GDF11: variants seen among roughly 807,000 people sequenced by gnomAD.
GDF11 encodes growth/differentiation factor 11.
A neutral mutation model predicts 34.4 loss-of-function variants in GDF11; 12 were observed. The observed-to-expected ratio is 0.35, with a 90% CI of 0.22 to 0.57. The LOEUF (loss-of-function observed/expected upper bound fraction) is 0.57, where lower values mean the gene tolerates loss of function less well. GDF11 is among the 20% of genes least tolerant of loss of function. The probability of loss-of-function intolerance (pLI) is 0.86; values close to 1 mark genes in which losing one functional copy is unlikely to be tolerated. For missense variants in GDF11, 346 were observed against 548.2 expected (o/e 0.63, Z 3.68); for synonymous variants, 212 against 231.1 (o/e 0.92, Z 0.75).
At position 55,755,803 on chromosome 12, in the gene GDF11, AAT is replaced by A. The variant is rs1019479002; in HGVS notation, c.*5922_*5923del. Reference sequence around the variant, plus strand: ...AAGAGGTTAATAAGAAAAAAAAAAAAATCCTCACAAATTGGAAAACACTGTTC... The same window carrying A: ...AAGAGGTTAATAAGAAAAAAAAAAAACCTCACAAATTGGAAAACACTGTTC... On this transcript the variant is annotated 3_prime_UTR_variant, in exon 3 of 3. Transcript: ENST00000257868. 4.6e-5 allele frequency: 7 copies of A among 151,816 alleles called. No individual in the cohort carries two copies. The highest frequency in any genetic ancestry group is 1.7e-4 in the African/African-American group (7 of 41,116). The allele number at this position is 151,816 out of a possible 1,614,324, so 9.4% of individuals were successfully genotyped here.
chr12:55,756,144 G>C lies in GDF11; in HGVS notation c.*6262G>C, dbSNP rs1228776863. On this transcript the variant is annotated 3_prime_UTR_variant, in exon 3 of 3. Coordinates refer to ENST00000257868, the MANE Select transcript of GDF11 (RefSeq NM_005811.5). ...AAAGCTAGCCCCAAGATCAGAGCCT[G>C]AGGTAAAGAAAAGGAAGGCAGACAG... The C allele has an allele frequency of 6.6e-6, 1 of 152,228 alleles. No homozygotes were observed. Among genetic ancestry groups the C allele is most frequent in the Non-Finnish European group, 1.5e-5 (1 of 68,044 alleles). 9.4% of individuals were successfully genotyped at this position (152,228 alleles called of 1,614,324 possible).
Position 55,749,008 on chromosome 12 carries a change from G to C in GDF11, c.843+25G>C. 6.3e-7 allele frequency: 1 copy of C among 1,578,040 alleles called. No homozygotes were observed. The highest frequency in any genetic ancestry group is 8.6e-7 in the Non-Finnish European group (1 of 1,169,112). ...GGTGAGCAGGGGGCCTGAGGTGGTG[G>C]ATATGTGTAACCTGGCCCTGAGGAG... is the stretch of plus-strand genomic sequence containing the variant. On this transcript the variant is annotated intron_variant, in intron 2 of 2. Coordinates refer to ENST00000257868, the MANE Select transcript of GDF11 (RefSeq NM_005811.5). The surrounding 1 kb of genome is among the most constrained non-coding windows in gnomAD (Gnocchi z 5.6).
chr12:55,753,193 TGATCCAGCTAGTATGGAA>T lies in GDF11; in HGVS notation c.*3316_*3333del. 6.6e-6 allele frequency: 1 copy of T among 152,318 alleles called. No homozygotes were observed. The highest frequency in any genetic ancestry group is 2.1e-4 in the South Asian group (1 of 4,818). The allele number at this position is 152,318 out of a possible 1,614,324, so 9.4% of individuals were successfully genotyped here. On this transcript the variant is annotated 3_prime_UTR_variant, in exon 3 of 3. Transcript: ENST00000257868. ...GGAAGATCTAAAGGTTCTCTTGAGA[TGATCCAGCTAGTATGGAA>T]GATCTAAAGGTTCTCTTGAGATGAT...
At position 55,751,288 on chromosome 12, in the gene GDF11, AAC is replaced by A. The variant is rs1272077555; in HGVS notation, c.*1408_*1409del. On this transcript the variant is annotated 3_prime_UTR_variant, in exon 3 of 3. Transcript: ENST00000257868. Reference sequence around the variant, plus strand: ...AAAAGCATCTGACAAGGCCAGTTAGAACAGAGGATGGGAAGGATGGAGACTCC... The same window carrying A: ...AAAAGCATCTGACAAGGCCAGTTAGAAGAGGATGGGAAGGATGGAGACTCC... 1.3e-5 allele frequency: 2 copies of A among 152,310 alleles called. No homozygotes were observed. Among genetic ancestry groups the A allele is most frequent in the Admixed American group, 1.3e-4 (2 of 15,280 alleles). 9.4% of individuals were successfully genotyped at this position (152,310 alleles called of 1,614,324 possible).
rs1878529605 is a variant in GDF11, at chr12:55,757,105, G to A, written c.*7223G>A. 6.5e-6 allele frequency: 1 copy of A among 154,126 alleles called. No individual in the cohort carries two copies. The highest frequency in any genetic ancestry group is 2.0e-4 in the South Asian group (1 of 4,908). 9.5% of individuals were successfully genotyped at this position (154,126 alleles called of 1,614,324 possible). ...AAAAATGCTTGTGAGTATGACAGAAGGGAATAAACAGGCTTAAAGGGTAAA... is the reference window on the plus strand; with the variant it reads ...AAAAATGCTTGTGAGTATGACAGAAAGGAATAAACAGGCTTAAAGGGTAAA... On this transcript the variant is annotated 3_prime_UTR_variant, in exon 3 of 3. Coordinates refer to ENST00000257868, the MANE Select transcript of GDF11 (RefSeq NM_005811.5).
In GDF11 at chr12:55,743,134, C is replaced by T. The variant is rs1194301628; in HGVS notation, c.-183C>T. 3 of 145,044 alleles carry T rather than the reference C, an allele frequency of 2.1e-5. No individual in the cohort carries two copies. Among genetic ancestry groups the T allele is most frequent in the African/African-American group, 7.4e-5 (3 of 40,430 alleles). 9.0% of individuals were successfully genotyped at this position (145,044 alleles called of 1,614,324 possible). A position where few individuals can be genotyped will look rare whatever the true frequency, so the allele number is the denominator to read the frequency against. On this transcript the variant is annotated 5_prime_UTR_variant, in exon 1 of 3. Coordinates refer to ENST00000257868, the MANE Select transcript of GDF11 (RefSeq NM_005811.5). ...CTCGGGCCCCCCCAGCCGCCCGCCC[C>T]GGCCGCCCGCCCGCCCCGCCCGCGC...
In GDF11 at chr12:55,743,290, C is replaced by G. The variant is rs1592541751; in HGVS notation, c.-27C>G. ...CGCGGGACTCCGGCGTCCCCGCCCCCCAGTCCTCCCTCCCCTCCCCTCCAG... is the reference window on the plus strand; with the variant it reads ...CGCGGGACTCCGGCGTCCCCGCCCCGCAGTCCTCCCTCCCCTCCCCTCCAG... On this transcript the variant is annotated 5_prime_UTR_variant, in exon 1 of 3. Coordinates refer to ENST00000257868, the MANE Select transcript of GDF11 (RefSeq NM_005811.5). 5.5e-6 allele frequency: 5 copies of G among 913,382 alleles called. No homozygotes were observed. The highest frequency in any genetic ancestry group is 1.8e-5 in the African/African-American group (1 of 55,360). 56.6% of individuals were successfully genotyped at this position (913,382 alleles called of 1,614,324 possible). A position where few individuals can be genotyped will look rare whatever the true frequency, so the allele number is the denominator to read the frequency against.
In GDF11 at chr12:55,748,430, T is replaced by C. The variant is rs1878229254; in HGVS notation, c.446-156T>C. Among the ~76,000 whole-genome samples the C allele has an allele frequency of 6.6e-6, 1 of 152,208 alleles. No homozygotes were observed. Among genetic ancestry groups the C allele is most frequent in the South Asian group, 2.1e-4 (1 of 4,830 alleles). ...TCATCCTAAAGAGGAAGTGCTGTTT[T>C]AGGTACCGGAGACATGGTATAAGAT... On this transcript the variant is annotated intron_variant, in intron 1 of 2. Coordinates refer to ENST00000257868, the MANE Select transcript of GDF11 (RefSeq NM_005811.5). The surrounding 1 kb of genome is among the most constrained non-coding windows in gnomAD (Gnocchi z 5.6).
In GDF11 at chr12:55,751,640, A is replaced by G. The variant is rs2136169250; in HGVS notation, c.*1758A>G. On this transcript the variant is annotated 3_prime_UTR_variant, in exon 3 of 3. Coordinates refer to ENST00000257868, the MANE Select transcript of GDF11 (RefSeq NM_005811.5). ...AAGTTCCCCTCTGCCTCCCAGCTGGACAGTGCCTAGAAGCCAAGGAGTTGA... is the reference window on the plus strand; with the variant it reads ...AAGTTCCCCTCTGCCTCCCAGCTGGGCAGTGCCTAGAAGCCAAGGAGTTGA... The G allele has an allele frequency of 6.6e-6, 1 of 152,304 alleles. No individual in the cohort carries two copies. The highest frequency in any genetic ancestry group is 6.5e-5 in the Admixed American group (1 of 15,298). 9.4% of individuals were successfully genotyped at this position (152,304 alleles called of 1,614,324 possible). A position where few individuals can be genotyped will look rare whatever the true frequency, so the allele number is the denominator to read the frequency against.
At chr12:55,745,844 G>GGAACCCAGCCCCCTGCCCTTCTGGGAGCC (rs1878172510) in intron 1 of GDF11, among the ~76,000 whole-genome samples, 1 of 151,440 alleles carries the variant, frequency 6.6e-6, no homozygotes, top group Non-Finnish European at 1.5e-5. Flanking sequence ...CTTCATCCTG[G>GGAACCCAGCCCCCTGCCCTTCTGGGAGCC]GAACCCAGCC....
At position 55,748,806 on chromosome 12, in the gene GDF11, C is replaced by A; in HGVS notation, c.666C>A (p.Arg222=). ...GGGGRRHIRI[R]SLKIELHSRS... is the part of the protein sequence containing the mutation. ...GAGGCCGGCGTCACATCCGTATCCGCTCACTGAAGATTGAGCTGCACTCAC... is the reference window on the plus strand; with the variant it reads ...GAGGCCGGCGTCACATCCGTATCCGATCACTGAAGATTGAGCTGCACTCAC... The change falls in exon 2 of 3, where the codon CGC becomes CGA. Residue 222 remains arginine, a synonymous_variant. Coordinates refer to ENST00000257868, the MANE Select transcript of GDF11 (RefSeq NM_005811.5). The surrounding 1 kb of genome is among the most constrained non-coding windows in gnomAD (Gnocchi z 5.6). 1 of 1,614,176 alleles carries A rather than the reference C, an allele frequency of 6.2e-7. No individual in the cohort carries two copies. Among genetic ancestry groups the A allele is most frequent in the Non-Finnish European group, 8.5e-7 (1 of 1,180,040 alleles).
chr12:55,743,441 G>A lies in GDF11; in HGVS notation c.125G>A (p.Gly42Glu), dbSNP rs1248714439. The A allele has an allele frequency of 8.5e-7, 1 of 1,183,026 alleles. No homozygotes were observed. The highest frequency in any genetic ancestry group is 1.6e-5 in the African/African-American group (1 of 62,102). 73.3% of individuals were successfully genotyped at this position (1,183,026 alleles called of 1,614,324 possible). Residue 42 changes from glycine (G) to glutamate (E), a missense_variant, in exon 1 of 3, where the codon GGG becomes GAG. Physicochemically the swap from Gly to Glu is moderately conservative, Grantham distance 98 (BLOSUM62 -2). Around this residue, in one of 3 missense-constraint regions of GDF11, gnomAD observed 141 missense variants for 213.8 expected, o/e 0.66. Coordinates refer to ENST00000257868, the MANE Select transcript of GDF11 (RefSeq NM_005811.5). ...GCGGCGGCGGCGGCGGCAGCGGCGG[G>A]GGTCGGGGGGGAGCGCTCCAGCCGG... ...AAAAAAAAAA[G>E]VGGERSSRPA...
rs938251522 is a variant in GDF11, at chr12:55,752,447, C to T, written c.*2565C>T. 6 of 151,850 alleles carry T rather than the reference C, an allele frequency of 4.0e-5. No homozygotes were observed. The highest frequency in any genetic ancestry group is 1.5e-4 in the African/African-American group (6 of 41,280). The allele number at this position is 151,850 out of a possible 1,614,324, so 9.4% of individuals were successfully genotyped here. A position where few individuals can be genotyped will look rare whatever the true frequency, so the allele number is the denominator to read the frequency against. On this transcript the variant is annotated 3_prime_UTR_variant, in exon 3 of 3. Coordinates refer to ENST00000257868, the MANE Select transcript of GDF11 (RefSeq NM_005811.5). ...TGAGCTGAAGTCTCATTCCCCTGTT[C>T]CTCCCTACCCCCAAAGAGGCACAGA...
At chr12:55,745,587 G>A (rs990920379) in intron 1 of GDF11, among the ~76,000 whole-genome samples, 1 of 150,394 alleles carries the variant, frequency 6.6e-6, no homozygotes, top group African/African-American at 2.4e-5. Context: ...AGGGGGAGTG[G>A]AGGGGAGGGG....
rs567588187 is a variant in GDF11, at chr12:55,755,348, G to C, written c.*5466G>C. On this transcript the variant is annotated 3_prime_UTR_variant, in exon 3 of 3. Coordinates refer to ENST00000257868, the MANE Select transcript of GDF11 (RefSeq NM_005811.5). ...GGTGGGGGGCTGGGCAGTTTAGAGT[G>C]AGAGTGGAAAAAAAGAATAATCCTA... 6.6e-6 allele frequency: 1 copy of C among 151,958 alleles called. No homozygotes were observed. The highest frequency in any genetic ancestry group is 2.4e-5 in the African/African-American group (1 of 41,342). The allele number at this position is 151,958 out of a possible 1,614,324, so 9.4% of individuals were successfully genotyped here.
In GDF11 at chr12:55,753,643, GC is replaced by G. The variant is rs1565667543; in HGVS notation, c.*3763del. The G allele has an allele frequency of 6.6e-6, 1 of 151,968 alleles. No homozygotes were observed. Among genetic ancestry groups the G allele is most frequent in the Admixed American group, 6.6e-5 (1 of 15,252 alleles). 9.4% of individuals were successfully genotyped at this position (151,968 alleles called of 1,614,324 possible). On this transcript the variant is annotated 3_prime_UTR_variant, in exon 3 of 3. Coordinates refer to ENST00000257868, the MANE Select transcript of GDF11 (RefSeq NM_005811.5). Reference sequence around the variant, plus strand: ...AAATTAGCCGGGCGTGGTGGCGTGCGCCTGTAATCCCAGCTACATGGAAGGC... The same window carrying G: ...AAATTAGCCGGGCGTGGTGGCGTGCGCTGTAATCCCAGCTACATGGAAGGC...
At chr12:55,747,932 A>C (rs1878218607) in intron 1 of GDF11, among the ~76,000 whole-genome samples, 1 of 152,244 alleles carries the variant, frequency 6.6e-6, no homozygotes, top group South Asian at 2.1e-4. Context: ...CAGCTGAAGA[A>C]ACTTCTTAAG....
chr12:55,749,930 C>G lies in GDF11; in HGVS notation c.*48C>G. ...CCCCACAGACCCTACCCCAAGACCC[C>G]TAGCCCTGCCCCCATCCCCCCAAGC... On this transcript the variant is annotated 3_prime_UTR_variant, in exon 3 of 3. Transcript: ENST00000257868. This position sits in a 1 kb window ranked among gnomAD's most constrained non-coding sequence, Gnocchi z 5.6. 1 of 1,514,848 alleles carries G rather than the reference C, an allele frequency of 6.6e-7. No homozygotes were observed. The highest frequency in any genetic ancestry group is 9.0e-7 in the Non-Finnish European group (1 of 1,110,452). The allele number at this position is 1,514,848 out of a possible 1,614,324, so 93.8% of individuals were successfully genotyped here.
At position 55,752,884 on chromosome 12, in the gene GDF11, G is replaced by T; in HGVS notation, c.*3002G>T. The T allele has an allele frequency of 6.6e-6, 1 of 152,334 alleles. No homozygotes were observed. 9.4% of individuals were successfully genotyped at this position (152,334 alleles called of 1,614,324 possible). On this transcript the variant is annotated 3_prime_UTR_variant, in exon 3 of 3. Transcript: ENST00000257868. The stretch of plus-strand genomic sequence containing the variant: ...GCGGTCAAAGAGTTTAGAATTCAGT[G>T]CTGAGCTCTTCTCCCTAATCAAGTG...
Sources: allele counts gnomAD v4.1 joint callset (sites outside exome capture counted in the v4.1 genomes callset), GRCh38; gene constraint gnomAD v4.1.1; regional missense constraint gnomAD v4.1.1; non-coding constraint Gnocchi (gnomAD v3.1); transcripts MANE v1.5; gene names NCBI Gene and HGNC (gene_info 2026-07-23, HGNC 2026-07-21).